Variants in RORA observed in about 807,000 individuals in gnomAD.
RORA encodes the protein RAR related orphan receptor A, also known as nuclear receptor ROR-alpha.
In RORA, 7 loss-of-function variants were observed where a neutral mutation model predicts 69.5. That is an observed-to-expected ratio of 0.10 (90% CI 0.06 to 0.19). The LOEUF is 0.19. Ranked by LOEUF, RORA falls within the 10% of genes least tolerant of loss-of-function variation. The pLI is 1.00. For synonymous variants in RORA, 261 were observed against 240.8 expected, an observed-to-expected ratio of 1.08 and a Z score of -0.78; for missense variants, 457 against 663.0, an observed-to-expected ratio of 0.69 and a Z score of 3.41.
intron 1 of RORA, among the ~76,000 whole-genome samples, chr15:60,715,884 C>T (rs1004492516): frequency 6.6e-6 from 1 of 152,132 alleles, no homozygotes; most frequent in African/African-American, 2.4e-5. Flanking sequence ...GGGAGAAATT[C>T]TGCTACAATG....
chr15:61,196,077 G>A (rs1248952079), intron 1 of RORA: 1 of 152,194 alleles, frequency 6.6e-6, no homozygotes, highest in East Asian at 1.9e-4. Flanking sequence ...TATTTTAGTA[G>A]CAAAACCCAC....
chr15:60,889,751 C>T (rs1440130629), intron 1 of RORA, among the ~76,000 whole-genome samples: 1 of 152,168 alleles, frequency 6.6e-6, no homozygotes, highest in African/African-American at 2.4e-5. Flanking sequence ...ACACAGTTTC[C>T]ACCTCCTCCC....
chr15:60,797,255 T>C (rs1182352608), intron 1 of RORA, among the ~76,000 whole-genome samples: 4 of 151,996 alleles, frequency 2.6e-5, no homozygotes, highest in Admixed American at 6.5e-5. Context: ...TTAAAAATGA[T>C]TAAAATGGTA....
intron 1 of RORA, among the ~76,000 whole-genome samples, chr15:60,926,473 G>T (rs896526016): frequency 6.6e-6 from 1 of 152,146 alleles, no homozygotes; most frequent in Non-Finnish European, 1.5e-5. Flanking sequence ...CCCAACCTTG[G>T]GTGCATTGAC....
intron 1 of RORA, among the ~76,000 whole-genome samples, chr15:60,694,121 T>C (rs886743146): frequency 6.6e-6 from 1 of 152,108 alleles, no homozygotes; most frequent in Non-Finnish European, 1.5e-5. Flanking sequence ...CATCTCCCTC[T>C]GTGAAGTAAG....
At chr15:61,228,978 G>T in intron 1 of RORA, 75 bp downstream of exon 1, 1 of 773,582 alleles carries the variant, frequency 1.3e-6, no homozygotes, top group Non-Finnish European at 1.6e-6. Flanking sequence ...CGCCCCGGGC[G>T]CCCGCTCCCG....
chr15:60,552,865 C>T (rs1471902498), intron 2 of RORA, among the ~76,000 whole-genome samples: 1 of 152,188 alleles, frequency 6.6e-6, no homozygotes, highest in Non-Finnish European at 1.5e-5. Context: ...GGCTGGGCTA[C>T]AAGTGGTCAG....
At chr15:61,118,320 C>T (rs2079068676) in intron 1 of RORA, among the ~76,000 whole-genome samples, 1 of 152,098 alleles carries the variant, frequency 6.6e-6, no homozygotes, top group African/African-American at 2.4e-5. Flanking sequence ...TAAGATAAAG[C>T]CCGGTAAAGG....
chr15:60,732,296 T>C (rs936671529), intron 1 of RORA, among the ~76,000 whole-genome samples: 2 of 152,098 alleles, frequency 1.3e-5, no homozygotes, highest in Non-Finnish European at 2.9e-5. Context: ...GAGTGTCAAA[T>C]TGTTGGATTA....
At chr15:60,729,929 T>C (rs149570144) in intron 1 of RORA, among the ~76,000 whole-genome samples, 60 of 152,334 alleles carry the variant, frequency 3.9e-4, no homozygotes, top group African/African-American at 1.4e-3. Flanking sequence ...GATTCCTTCT[T>C]TTCTGGTTCC....
At chr15:60,720,483 T>C (rs765957552) in intron 1 of RORA, among the ~76,000 whole-genome samples, 9 of 152,190 alleles carry the variant, frequency 5.9e-5, no homozygotes, top group Non-Finnish European at 1.2e-4. Flanking sequence ...CATTTAACCA[T>C]CCTCATTGGT....
intron 1 of RORA, chr15:61,196,046 TG>T (rs2079842802): frequency 6.6e-6 from 1 of 152,238 alleles, no homozygotes; most frequent in South Asian, 2.1e-4. Context: ...CAAAATGACT[TG>T]GCCCCTAAGG....
Position 60,970,526 on chromosome 15 carries a change from T to C in RORA, c.166+258527A>G, listed in dbSNP as rs571005259. 3.7e-4 allele frequency among the ~76,000 whole-genome samples: 57 copies of C among 152,340 alleles called. No individual in the cohort carries two copies. In the Middle Eastern group the frequency reaches 0.02, roughly 55 times the overall value. ...CTAGAGTGAAGATGCTCCCCACTGCTGGCCTTGGTGAAGCTGTTTCAGATT... is the reference window on the plus strand; with the variant it reads ...CTAGAGTGAAGATGCTCCCCACTGCCGGCCTTGGTGAAGCTGTTTCAGATT... On this transcript the variant is annotated intron_variant, in intron 1 of 10. Transcript: ENST00000335670.
chr15:60,844,562 T>A (rs1414028055), intron 1 of RORA, among the ~76,000 whole-genome samples: 1 of 152,012 alleles, frequency 6.6e-6, no homozygotes, highest in African/African-American at 2.4e-5. Flanking sequence ...CACACACACA[T>A]AGGAGCTAGA....
At position 60,523,934 on chromosome 15, in the gene RORA, C is replaced by G. The variant is rs899953932; in HGVS notation, c.282+7832G>C. Among the ~76,000 whole-genome samples, 9 of 152,334 alleles carry G rather than the reference C, an allele frequency of 5.9e-5. No homozygotes were observed. The East Asian group carries it at 9.6e-4, about 16-fold the overall frequency. On this transcript the variant is annotated intron_variant, in intron 3 of 10. Coordinates refer to ENST00000335670, the MANE Select transcript of RORA (RefSeq NM_134261.3). ...AAGTGATCCTTCTGCCTAGGCCTCC[C>G]ACAATGCCGGGATTACAGGCATGAG...
Position 60,511,855 on chromosome 15 carries a change from T to C in RORA, c.425-234A>G, listed in dbSNP as rs1011321880. Reference sequence around the variant, plus strand: ...ACTCATGTTTCAGAAAGAGGCCTGGTGCAGGTAGGAGGGGCCCAGAGAGAT... The same window carrying C: ...ACTCATGTTTCAGAAAGAGGCCTGGCGCAGGTAGGAGGGGCCCAGAGAGAT... On this transcript the variant is annotated intron_variant, in intron 4 of 10. Transcript: ENST00000335670. This position sits in a 1 kb window ranked among gnomAD's most constrained non-coding sequence, Gnocchi z 6.4. Among the ~76,000 whole-genome samples the C allele has an allele frequency of 6.6e-6, 1 of 152,110 alleles. No homozygotes were observed. Among genetic ancestry groups the C allele is most frequent in the African/African-American group, 2.4e-5 (1 of 41,408 alleles).
intron 1 of RORA, among the ~76,000 whole-genome samples, chr15:60,754,408 C>T (rs528975357): frequency 1.3e-5 from 2 of 152,318 alleles, no homozygotes; most frequent in African/African-American, 4.8e-5. Flanking sequence ...TTGTTCCAAA[C>T]AAACTCTTGC....
chr15:60,729,213 C>T (rs141794551), intron 1 of RORA, among the ~76,000 whole-genome samples: 1 of 152,284 alleles, frequency 6.6e-6, no homozygotes, highest in Non-Finnish European at 1.5e-5. Context: ...TTCCTCCCAC[C>T]TCTGTTCTGC....
intron 1 of RORA, among the ~76,000 whole-genome samples, chr15:60,991,192 G>C (rs915701151): frequency 8.5e-5 from 13 of 152,288 alleles, no homozygotes; most frequent in African/African-American, 2.9e-4. Context: ...CAAGAGAACA[G>C]AACTTCCTGT....
Sources: gnomAD v4.1 joint callset for allele counts (sites outside exome capture counted in the v4.1 genomes callset) on GRCh38, gnomAD v4.1.1 for gene constraint, Gnocchi (gnomAD v3.1) non-coding constraint, MANE v1.5 for transcripts, NCBI Gene and HGNC (gene_info 2026-07-23, HGNC 2026-07-21) for gene names.